MEI4: variants seen among roughly 807,000 people sequenced by gnomAD.
MEI4 encodes meiosis-specific protein MEI4.
Under a neutral mutation model 31.4 loss-of-function variants are expected in MEI4, and 27 were observed. That is an observed-to-expected ratio of 0.86 (90% CI 0.63 to 1.19). The LOEUF (loss-of-function observed/expected upper bound fraction) is 1.19. MEI4 is among the 50% of genes most tolerant of loss of function. The pLI, the probability that MEI4 is intolerant of heterozygous loss-of-function variation, is 0.00. For missense variants in MEI4, 329 were observed against 398.9 expected, an observed-to-expected ratio of 0.82 and a Z score of 1.49; for synonymous variants, 122 against 145.4, an observed-to-expected ratio of 0.84 and a Z score of 1.16.
At chr6:77,920,369 C>T (rs910312422) in intron 4 of MEI4, among the ~76,000 whole-genome samples, 9 of 151,978 alleles carry the variant, frequency 5.9e-5, no homozygotes, top group Non-Finnish European at 1.2e-4. Context: ...AAATGTAATA[C>T]AGCATATAAA....
intron 2 of MEI4, among the ~76,000 whole-genome samples, chr6:77,708,123 A>G (rs771289460): frequency 1.3e-5 from 2 of 152,208 alleles, no homozygotes; most frequent in African/African-American, 2.4e-5. Context: ...TGTTAGAGCC[A>G]TTGGCAACGT....
At chr6:77,743,406 A>T (rs199612940) in intron 2 of MEI4, among the ~76,000 whole-genome samples, 4 of 152,150 alleles carry the variant, frequency 2.6e-5, no homozygotes, top group Non-Finnish European at 5.9e-5. Context: ...GTTCACTCAT[A>T]ATTTGGCTCT....
chr6:77,799,242 A>G (rs1394594178), intron 3 of MEI4, among the ~76,000 whole-genome samples: 1 of 152,152 alleles, frequency 6.6e-6, no homozygotes, highest in Non-Finnish European at 1.5e-5. Flanking sequence ...TCTGATGGCC[A>G]GTGATGGTGA....
At chr6:77,764,726 C>T (rs1199729082) in intron 3 of MEI4, among the ~76,000 whole-genome samples, 5 of 152,168 alleles carry the variant, frequency 3.3e-5, no homozygotes, top group Non-Finnish European at 7.3e-5. Flanking sequence ...CATGTCTTAA[C>T]CATTTTAGAA....
At chr6:77,667,546 G>A (rs1167195969) in intron 1 of MEI4, among the ~76,000 whole-genome samples, 4 of 152,088 alleles carry the variant, frequency 2.6e-5, no homozygotes, top group Non-Finnish European at 5.9e-5. Context: ...TTCCCACTGA[G>A]CTGTGTGTTA....
chr6:77,673,554 C>A (rs1768786126), intron 1 of MEI4, among the ~76,000 whole-genome samples: 2 of 152,116 alleles, frequency 1.3e-5, no homozygotes, highest in Admixed American at 6.5e-5. Context: ...CTTATGCACA[C>A]CCTCTTGGGG....
At chr6:77,849,770 AATGGTACTC>A (rs1437138309) in intron 4 of MEI4, among the ~76,000 whole-genome samples, 4 of 152,176 alleles carry the variant, frequency 2.6e-5, no homozygotes, top group Non-Finnish European at 4.4e-5. Context: ...GATTCTCTGT[AATGGTACTC>A]AAAAACTTCT....
At position 77,925,637 on chromosome 6, in the gene MEI4, C is replaced by T. The variant is rs1425401066; in HGVS notation, c.*2291C>T. The T allele has an allele frequency of 6.6e-6, 1 of 151,000 alleles. No homozygotes were observed. The highest frequency in any genetic ancestry group is 1.5e-5 in the Non-Finnish European group (1 of 67,644). 9.4% of individuals were successfully genotyped at this position (151,000 alleles called of 1,614,324 possible). A position where few individuals can be genotyped will look rare whatever the true frequency, so the allele number is the denominator to read the frequency against. ...AATGGAGTCAGTAGTAATTGGGCAG[C>T]ATTGAAACTGGATATAAGATAGGAT... On this transcript the variant is annotated 3_prime_UTR_variant, in exon 5 of 5. Coordinates refer to ENST00000684080, the MANE Select transcript of MEI4 (RefSeq NM_001322247.2).
intron 2 of MEI4, among the ~76,000 whole-genome samples, chr6:77,728,475 T>C (rs2068602114): frequency 6.6e-6 from 1 of 152,214 alleles, no homozygotes. Context: ...TTTCTGGAAG[T>C]CTACCAGGAA....
intron 3 of MEI4, among the ~76,000 whole-genome samples, chr6:77,777,588 A>G (rs1483057): frequency 0.15 from 22,452 of 152,194 alleles, 2,004 homozygotes; most frequent in East Asian, 0.4. Flanking sequence ...AAAAAAGAGC[A>G]GCCAAATCAT....
chr6:77,800,838 A>C (rs1769235175), intron 3 of MEI4, among the ~76,000 whole-genome samples: 1 of 152,174 alleles, frequency 6.6e-6, no homozygotes, highest in South Asian at 2.1e-4. Flanking sequence ...CCCAGGGATG[A>C]AGCCCACTTG....
intron 2 of MEI4, among the ~76,000 whole-genome samples, chr6:77,754,191 TGA>T (rs1181529009): frequency 1.3e-5 from 2 of 152,070 alleles, no homozygotes; most frequent in East Asian, 3.9e-4. Flanking sequence ...CCATGGCATG[TGA>T]ATACCTATGT....
chr6:77,838,838 G>A (rs763111222), intron 4 of MEI4, among the ~76,000 whole-genome samples: 12 of 151,858 alleles, frequency 7.9e-5, no homozygotes, highest in Non-Finnish European at 1.2e-4. Context: ...AGGAGGCAGA[G>A]GTTGCTGTGA....
intron 1 of MEI4, among the ~76,000 whole-genome samples, chr6:77,662,350 G>C (rs1347331152): frequency 6.6e-6 from 1 of 152,076 alleles, no homozygotes; most frequent in Non-Finnish European, 1.5e-5. Flanking sequence ...AGGAAATATG[G>C]GGAAATGGGG....
chr6:77,848,946 C>T (rs1364673423), intron 4 of MEI4, among the ~76,000 whole-genome samples: 4 of 151,924 alleles, frequency 2.6e-5, no homozygotes, highest in African/African-American at 9.7e-5. Context: ...CACAGGGATA[C>T]TTAGAGTTTA....
intron 4 of MEI4, among the ~76,000 whole-genome samples, chr6:77,892,527 C>A (rs1357069464): frequency 3.9e-5 from 6 of 151,978 alleles, no homozygotes; most frequent in Non-Finnish European, 8.8e-5. Context: ...AGGGTGCATG[C>A]AGGTGTTCTC....
rs188692448 is a variant in MEI4 at position 77,706,635 on chromosome 6, G to A, written c.232+15732G>A. Among the ~76,000 whole-genome samples, 26 of 152,256 alleles carry A rather than the reference G, an allele frequency of 1.7e-4. No homozygotes were observed. The East Asian group carries it at 4.4e-3, about 26-fold the overall frequency. On this transcript the variant is annotated intron_variant, in intron 2 of 4. Coordinates refer to ENST00000684080, the MANE Select transcript of MEI4 (RefSeq NM_001322247.2). ...ATGTGATCTTCAATGTTGGAGGTGG[G>A]CCTAGTGGTAGATATTTGGGTCATG... is the stretch of plus-strand genomic sequence containing the variant.
chr6:77,678,277 T>C (rs1481200140), intron 1 of MEI4, among the ~76,000 whole-genome samples: 1 of 152,246 alleles, frequency 6.6e-6, no homozygotes, highest in Non-Finnish European at 1.5e-5. Flanking sequence ...CCTGTATCTC[T>C]CATGGGAACC....
In MEI4 at chr6:77,710,208, G is replaced by T. The variant is rs145822730; in HGVS notation, c.232+19305G>T. Among the ~76,000 whole-genome samples, 213 of 152,144 alleles carry T rather than the reference G, an allele frequency of 1.4e-3. 1 individual carries two copies. Among genetic ancestry groups the T allele is most frequent in the African/African-American group, 4.5e-3 (187 of 41,494 alleles). The stretch of plus-strand genomic sequence containing the variant: ...TCCAGGCCTTTTGTACCTGGATTCC[G>T]GCAGGCCTGTAGTAGTGCTGAGGAG... On this transcript the variant is annotated intron_variant, in intron 2 of 4. Transcript: ENST00000684080.
Sources: gnomAD v4.1 joint callset for allele counts (sites outside exome capture counted in the v4.1 genomes callset) on GRCh38, gnomAD v4.1.1 for gene constraint, MANE v1.5 for transcripts, NCBI Gene and HGNC (gene_info 2026-07-23, HGNC 2026-07-21) for gene names.